The following NBAS variants were observed in gnomAD, a reference collection of about 807,000 sequenced individuals.
The protein encoded by NBAS is NBAS subunit of NRZ tethering complex.
Under a neutral mutation model 302.5 loss-of-function variants are expected in NBAS, and 219 were observed. That is an observed-to-expected ratio of 0.72 (90% CI 0.65 to 0.81). The LOEUF is 0.81. Among genes scored for constraint, NBAS ranks in the 30% least tolerant of loss-of-function variants. The probability of loss-of-function intolerance (pLI) is 0.00; values close to 1 mark genes in which losing one functional copy is unlikely to be tolerated. For synonymous variants in NBAS, 1,118 were observed against 1,021.6 expected, an observed-to-expected ratio of 1.09 and a Z score of -1.80; for missense variants, 2,932 against 2,841.6, an observed-to-expected ratio of 1.03 and a Z score of -0.72.
chr2:15,217,355 G>A (rs577638865), intron 48 of NBAS, among the ~76,000 whole-genome samples: 1 of 152,268 alleles, frequency 6.6e-6, no homozygotes, highest in South Asian at 2.1e-4. Context: ...GCAAACAATA[G>A]TATTGACCTC....
intron 35 of NBAS, among the ~76,000 whole-genome samples, chr2:15,340,513 T>C (rs1354155662): frequency 6.6e-6 from 1 of 152,166 alleles, no homozygotes; most frequent in African/African-American, 2.4e-5. Flanking sequence ...TTGGGTTGTC[T>C]ATAAGAAATT....
chr2:15,077,180 C>T, the NBAS span, among the ~76,000 whole-genome samples: 1 of 152,134 alleles, frequency 6.6e-6, no homozygotes, highest in Non-Finnish European at 1.5e-5. Flanking sequence ...GGAAGCAAGG[C>T]ACGTCTTACA....
chr2:15,216,915 G>A (rs1043494425), intron 48 of NBAS, among the ~76,000 whole-genome samples: 1 of 152,240 alleles, frequency 6.6e-6, no homozygotes, highest in African/African-American at 2.4e-5. Context: ...TTTAAAAAGT[G>A]AAGGTATGAG....
intron 16 of NBAS, among the ~76,000 whole-genome samples, chr2:15,469,654 G>A (rs1679873389): frequency 6.6e-6 from 1 of 152,120 alleles, no homozygotes; most frequent in African/African-American, 2.4e-5. Context: ...ATACTATGCA[G>A]CCATAAAAAA....
chr2:15,321,440 C>A (rs1033316429), intron 38 of NBAS, among the ~76,000 whole-genome samples: 1 of 152,072 alleles, frequency 6.6e-6, no homozygotes, highest in African/African-American at 2.4e-5. Context: ...AAAGAAACCA[C>A]CATTGGAGTG....
chr2:14,937,065 G>T, the NBAS span, among the ~76,000 whole-genome samples: 1 of 152,182 alleles, frequency 6.6e-6, no homozygotes. Context: ...ACATTTAGTA[G>T]GTTTACCATT....
At chr2:15,463,205 T>G (rs995542921) in intron 19 of NBAS, among the ~76,000 whole-genome samples, 4 of 152,008 alleles carry the variant, frequency 2.6e-5, no homozygotes, top group African/African-American at 9.7e-5. Flanking sequence ...GTCCAGAAAG[T>G]CAAGAGTGCA....
chr2:14,964,365 T>TA, the NBAS span, among the ~76,000 whole-genome samples: 2 of 151,920 alleles, frequency 1.3e-5, no homozygotes, highest in African/African-American at 2.4e-5. Context: ...ATGTCTGAGA[T>TA]AAAAAAATAC....
intron 35 of NBAS, among the ~76,000 whole-genome samples, chr2:15,349,491 C>G (rs934890365): frequency 6.6e-6 from 1 of 152,158 alleles, no homozygotes; most frequent in Non-Finnish European, 1.5e-5. Flanking sequence ...AATGCTATGG[C>G]TGCCATCTGA....
At chr2:15,246,432 A>T (rs541271343) in intron 44 of NBAS, among the ~76,000 whole-genome samples, 1 of 152,354 alleles carries the variant, frequency 6.6e-6, no homozygotes, top group Non-Finnish European at 1.5e-5. Context: ...TGTAGACTAA[A>T]AGTAAATAGC....
chr2:15,523,431 T>G (rs1258612556), intron 9 of NBAS, among the ~76,000 whole-genome samples: 1 of 149,508 alleles, frequency 6.7e-6, no homozygotes, highest in East Asian at 1.9e-4. Flanking sequence ...TATAGAGCAT[T>G]TACATTGGAT....
At chr2:15,002,639 A>G in the NBAS span, among the ~76,000 whole-genome samples, 1 of 152,268 alleles carries the variant, frequency 6.6e-6, no homozygotes, top group African/African-American at 2.4e-5. Context: ...AGGTGGTGGG[A>G]GGCTCAGGCA....
Position 15,402,301 on chromosome 2 carries a change from G to A in NBAS, c.2938C>T (p.Leu980=). The change falls in exon 26 of 52, where the codon CTG becomes TTG. Residue 980 remains leucine, a splice_region_variant and synonymous_variant. Transcript: ENST00000281513. The part of the protein sequence containing the change: ...LKIFQHSKPD[L]QQKIIPDQDQ... ...TGATCAGGAATAATTTTTTGCTGCA[G>A]CTACAGAAAATAAAGTATGTTGTAC... is the stretch of plus-strand genomic sequence containing the variant. The A allele has an allele frequency of 6.2e-7, 1 of 1,613,216 alleles. No individual in the cohort carries two copies. Among genetic ancestry groups the A allele is most frequent in the Non-Finnish European group, 8.5e-7 (1 of 1,179,494 alleles).
Position 15,379,790 on chromosome 2 carries a change from G to A in NBAS, c.3402C>T (p.Asn1134=). The stretch of plus-strand genomic sequence containing the variant: ...GCATCATCTGTCCAGCCAGGTGGAT[G>A]TTTTCAAGGCGACTAGAGCACAGAA... The part of the protein sequence containing the change: ...ESLLCSSRLE[N]IHLAGQMMHC... Residue 1134 remains asparagine (N), a synonymous_variant, in exon 30 of 52, where the codon AAC becomes AAT. Coordinates refer to ENST00000281513, the MANE Select transcript of NBAS (RefSeq NM_015909.4). 1 of 1,614,080 alleles carries A rather than the reference G, an allele frequency of 6.2e-7. No homozygotes were observed. The highest frequency in any genetic ancestry group is 8.5e-7 in the Non-Finnish European group (1 of 1,179,988).
chr2:14,891,207 G>A, the NBAS span, among the ~76,000 whole-genome samples: 1 of 152,186 alleles, frequency 6.6e-6, no homozygotes, highest in African/African-American at 2.4e-5. Flanking sequence ...TGGGCTACGG[G>A]ACAGGAGTCC....
the NBAS span, among the ~76,000 whole-genome samples, chr2:14,797,615 T>C: frequency 6.6e-6 from 1 of 152,078 alleles, no homozygotes. Context: ...AAGTCACTCG[T>C]GACACACCTA....
intron 41 of NBAS, among the ~76,000 whole-genome samples, chr2:15,288,029 T>C (rs1256601615): frequency 6.6e-6 from 1 of 152,316 alleles, no homozygotes; most frequent in East Asian, 1.9e-4. Flanking sequence ...AGCATCTGCA[T>C]AGGCAGCCCC....
At chr2:14,816,981 G>A in the NBAS span, among the ~76,000 whole-genome samples, 1 of 152,152 alleles carries the variant, frequency 6.6e-6, no homozygotes, top group African/African-American at 2.4e-5. Context: ...ATCCCATCTG[G>A]CAGGATTTCA....
At chr2:15,387,096 C>T (rs35549453) in intron 28 of NBAS, among the ~76,000 whole-genome samples, 93,654 of 148,868 alleles carry the variant, frequency 0.63, 30,003 homozygotes, top group Middle Eastern at 0.69. Context: ...TTTTTTTTTT[C>T]TGAAGGAGTC....
Sources: allele counts gnomAD v4.1 joint callset (sites outside exome capture counted in the v4.1 genomes callset), GRCh38; gene constraint gnomAD v4.1.1; transcripts MANE v1.5; gene names NCBI Gene and HGNC (gene_info 2026-07-23, HGNC 2026-07-21).